ABHD2: variants seen among roughly 807,000 people sequenced by gnomAD.
ABHD2 encodes monoacylglycerol lipase ABHD2.
Under a neutral mutation model 48.1 loss-of-function variants are expected in ABHD2, and 20 were observed. The ratio of observed to expected loss-of-function variants is 0.42; its 90% CI spans 0.29 to 0.60. The LOEUF is 0.60. Ranked by LOEUF, ABHD2 falls within the 20% of genes least tolerant of loss-of-function variation. The probability of loss-of-function intolerance (pLI) is 0.24; values close to 1 mark genes in which losing one functional copy is unlikely to be tolerated. For missense variants in ABHD2, 405 were observed against 550.9 expected (o/e 0.74, Z 2.65); for synonymous variants, 209 against 214.2 (o/e 0.98, Z 0.21).
At chr15:89,183,873 C>T (rs144801531) in intron 6 of ABHD2, among the ~76,000 whole-genome samples, 1 of 152,134 alleles carries the variant, frequency 6.6e-6, no homozygotes, top group Admixed American at 6.5e-5. Flanking sequence ...ACCACTGGCT[C>T]TCTGGGTGGC....
rs1384563684 is a variant in ABHD2 at position 89,137,220 on chromosome 15, G to A, written c.195-14457G>A. 6.6e-6 allele frequency among the ~76,000 whole-genome samples: 1 copy of A among 152,170 alleles called. No individual in the cohort carries two copies. Among genetic ancestry groups the A allele is most frequent in the African/African-American group, 2.4e-5 (1 of 41,438 alleles). On this transcript the variant is annotated intron_variant, in intron 3 of 10. Transcript: ENST00000352732. The surrounding 1 kb of genome is among the most constrained non-coding windows in gnomAD (Gnocchi z 4.8). The stretch of plus-strand genomic sequence containing the variant: ...TGTCAAAACCAGGTTGAAATGCAAC[G>A]TGAGGAGAGAGGACTGTGCTTTGGT...
the ABHD2 span, among the ~76,000 whole-genome samples, chr15:89,062,940 C>A: frequency 6.8e-6 from 1 of 147,052 alleles, no homozygotes; most frequent in Non-Finnish European, 1.5e-5. Context: ...TATGTCAGGT[C>A]TGTTTAATCA....
In ABHD2 at chr15:89,195,589, G is replaced by T; in HGVS notation, c.*166G>T. The stretch of plus-strand genomic sequence containing the variant: ...GTCTCGGAGTAGGCAGCTCTTCCTG[G>T]GAGCTCCAGGCTATTTTTGTGCTTA... On this transcript the variant is annotated 3_prime_UTR_variant, in exon 11 of 11. Transcript: ENST00000352732. This position sits in a 1 kb window ranked among gnomAD's most constrained non-coding sequence, Gnocchi z 5.1. 4 of 658,382 alleles carry T rather than the reference G, an allele frequency of 6.1e-6. No individual in the cohort carries two copies. The highest frequency in any genetic ancestry group is 4.9e-6 in the Non-Finnish European group (2 of 406,872). The allele number at this position is 658,382 out of a possible 1,614,324, so 40.8% of individuals were successfully genotyped here. A position where few individuals can be genotyped will look rare whatever the true frequency, so the allele number is the denominator to read the frequency against.
At chr15:89,127,065 G>C (rs1567079635) in intron 3 of ABHD2, among the ~76,000 whole-genome samples, 1 of 152,184 alleles carries the variant, frequency 6.6e-6, no homozygotes, top group Admixed American at 6.5e-5. Context: ...ATGACTGTCA[G>C]TAGTCAGACT....
Position 89,092,828 on chromosome 15 carries a change from G to A in ABHD2, c.-107+4265G>A, listed in dbSNP as rs950909838. Among the ~76,000 whole-genome samples the A allele has an allele frequency of 2.6e-5, 4 of 152,166 alleles. No individual in the cohort carries two copies. Among genetic ancestry groups the A allele is most frequent in the Non-Finnish European group, 4.4e-5 (3 of 68,032 alleles). ...TTCCACGTCATTTTTTATGAAGGCC[G>A]TCTATTTTAGATATCTGTTTTCTGT... is the stretch of plus-strand genomic sequence containing the variant. On this transcript the variant is annotated intron_variant, in intron 1 of 10. Transcript: ENST00000352732. This position sits in a 1 kb window ranked among gnomAD's most constrained non-coding sequence, Gnocchi z 4.4.
In ABHD2 at chr15:89,200,521, G is replaced by C. The variant is rs2051455749; in HGVS notation, c.*5098G>C. 1 of 152,568 alleles carries C rather than the reference G, an allele frequency of 6.6e-6. No individual in the cohort carries two copies. Among genetic ancestry groups the C allele is most frequent in the African/African-American group, 2.4e-5 (1 of 41,460 alleles). The allele number at this position is 152,568 out of a possible 1,614,324, so 9.5% of individuals were successfully genotyped here. On this transcript the variant is annotated 3_prime_UTR_variant, in exon 11 of 11. Coordinates refer to ENST00000352732, the MANE Select transcript of ABHD2 (RefSeq NM_152924.5). The stretch of plus-strand genomic sequence containing the variant: ...TCCCAGAACAATTCTTTATGAATTT[G>C]ATAAAGGACTGAAGTGCAACTGAAA...
rs552591639 is a variant in ABHD2 at position 89,094,829 on chromosome 15, G to A, written c.-107+6266G>A. Among the ~76,000 whole-genome samples the A allele has an allele frequency of 3.4e-4, 52 of 152,146 alleles. No individual in the cohort carries two copies. The highest frequency in any genetic ancestry group is 5.0e-4 in the Non-Finnish European group (34 of 67,996). ...TGTAATCCCAGTACTTTGAGAGGCC[G>A]AGGCAGGCGGATCACTTGAGACCAG... On this transcript the variant is annotated intron_variant, in intron 1 of 10. Coordinates refer to ENST00000352732, the MANE Select transcript of ABHD2 (RefSeq NM_152924.5). The surrounding 1 kb of genome is among the most constrained non-coding windows in gnomAD (Gnocchi z 4.7).
At chr15:89,052,542 G>GAC in the ABHD2 span, among the ~76,000 whole-genome samples, 149 of 139,040 alleles carry the variant, frequency 1.1e-3, 2 homozygotes, top group African/African-American at 3.9e-3. Context: ...CAGACAGACA[G>GAC]ACAGACAGAC....
At chr15:89,060,883 G>C in the ABHD2 span, among the ~76,000 whole-genome samples, 1 of 151,780 alleles carries the variant, frequency 6.6e-6, no homozygotes, top group Non-Finnish European at 1.5e-5. Flanking sequence ...AATGTGGATC[G>C]AGAGTATTTT....
chr15:89,116,551 C>A lies in ABHD2; in HGVS notation c.194+30C>A. ...GTAGACCTCATGCCCTCTGTATGCT[C>A]AGCTGCTGATGTATTTGGCTTTGTG... On this transcript the variant is annotated intron_variant, in intron 3 of 10. Coordinates refer to ENST00000352732, the MANE Select transcript of ABHD2 (RefSeq NM_152924.5). The surrounding 1 kb of genome is among the most constrained non-coding windows in gnomAD (Gnocchi z 4.6). 1 of 1,592,536 alleles carries A rather than the reference C, an allele frequency of 6.3e-7. No homozygotes were observed. Among genetic ancestry groups the A allele is most frequent in the South Asian group, 1.1e-5 (1 of 88,718 alleles).
chr15:89,147,844 C>T (rs1020658218), intron 3 of ABHD2, among the ~76,000 whole-genome samples: 4 of 151,258 alleles, frequency 2.6e-5, no homozygotes, highest in South Asian at 2.1e-4. Flanking sequence ...CACAGTGGCT[C>T]ACGCCTGTAA....
At chr15:89,082,670 ATCTCG>A (rs1260331443), upstream of ABHD2, 1 of 152,298 alleles carries the variant, frequency 6.6e-6, no homozygotes, top group Admixed American at 6.5e-5. The surrounding 1 kb of genome is among the most constrained non-coding windows in gnomAD (Gnocchi z 4.4). Context: ...CCTTTGAGTT[ATCTCG>A]TCAATATTTC....
intron 5 of ABHD2, among the ~76,000 whole-genome samples, chr15:89,161,681 G>A (rs759910718): frequency 1.3e-5 from 2 of 152,188 alleles, no homozygotes; most frequent in African/African-American, 4.8e-5. Context: ...GATTACAGGC[G>A]TGAGCCACTG....
chr15:89,198,508 A>G lies in ABHD2; in HGVS notation c.*3085A>G, dbSNP rs141322282. ...GATTCCAGAGCAGAATGAAAGCAGA[A>G]AGCTGTTGGTTACAATATTCTTTTA... is the stretch of plus-strand genomic sequence containing the variant. On this transcript the variant is annotated 3_prime_UTR_variant, in exon 11 of 11. Coordinates refer to ENST00000352732, the MANE Select transcript of ABHD2 (RefSeq NM_152924.5). This position sits in a 1 kb window ranked among gnomAD's most constrained non-coding sequence, Gnocchi z 5.1. 2 of 152,356 alleles carry G rather than the reference A, an allele frequency of 1.3e-5. No homozygotes were observed. The highest frequency in any genetic ancestry group is 3.9e-4 in the East Asian group (2 of 5,190). The allele number at this position is 152,356 out of a possible 1,614,324, so 9.4% of individuals were successfully genotyped here. A position where few individuals can be genotyped will look rare whatever the true frequency, so the allele number is the denominator to read the frequency against.
At chr15:89,064,570 C>T in the ABHD2 span, among the ~76,000 whole-genome samples, 1 of 152,022 alleles carries the variant, frequency 6.6e-6, no homozygotes, top group Non-Finnish European at 1.5e-5. Context: ...ACACTTGGTA[C>T]AAATAGTTCT....
chr15:89,086,214 A>G (rs1901341202), upstream of ABHD2, among the ~76,000 whole-genome samples: 1 of 151,862 alleles, frequency 6.6e-6, no homozygotes, highest in African/African-American at 2.4e-5. Flanking sequence ...TTTAGTAGAG[A>G]TGGGGTTTCA....
At chr15:89,129,387 C>G (rs964799081) in intron 3 of ABHD2, among the ~76,000 whole-genome samples, 1 of 152,010 alleles carries the variant, frequency 6.6e-6, no homozygotes, top group Non-Finnish European at 1.5e-5. Context: ...TGAGGGCTGA[C>G]CAAAGGCCAT....
At chr15:89,084,990 G>A (rs891358143), upstream of ABHD2, among the ~76,000 whole-genome samples, 2 of 152,096 alleles carry the variant, frequency 1.3e-5, no homozygotes, top group Admixed American at 6.5e-5. The surrounding 1 kb of genome is among the most constrained non-coding windows in gnomAD (Gnocchi z 4.4). Context: ...ACCATCCCCC[G>A]AGGACACAGA....
At position 89,175,295 on chromosome 15, in the gene ABHD2, G is replaced by T. The variant is rs2050994295; in HGVS notation, c.539-517G>T. Among the ~76,000 whole-genome samples the T allele has an allele frequency of 6.6e-6, 1 of 152,060 alleles. No individual in the cohort carries two copies. Among genetic ancestry groups the T allele is most frequent in the African/African-American group, 2.4e-5 (1 of 41,392 alleles). On this transcript the variant is annotated intron_variant, in intron 5 of 10. Transcript: ENST00000352732. This position sits in a 1 kb window ranked among gnomAD's most constrained non-coding sequence, Gnocchi z 5.7. ...GCTGGAGTGCAGTGATGCGATCTTG[G>T]CTCACTGTAGCCTCTGCCTCCCCGG...
Sources: gnomAD v4.1 joint callset for allele counts (sites outside exome capture counted in the v4.1 genomes callset) on GRCh38, gnomAD v4.1.1 for gene constraint, Gnocchi (gnomAD v3.1) non-coding constraint, MANE v1.5 for transcripts, NCBI Gene and HGNC (gene_info 2026-07-23, HGNC 2026-07-21) for gene names.